FIGN: variants seen among roughly 807,000 people sequenced by gnomAD.
FIGN encodes the protein fidgetin, microtubule severing factor, also known as fidgetin.
In FIGN, 11 loss-of-function variants were observed where a neutral mutation model predicts 51.3. The observed-to-expected ratio is 0.21, with a 90% CI of 0.13 to 0.35. The LOEUF (loss-of-function observed/expected upper bound fraction) is 0.35, where lower values mean the gene tolerates loss of function less well. FIGN is among the 10% of genes least tolerant of loss of function. The pLI is 1.00. For missense variants in FIGN, 857 were observed against 943.6 expected (o/e 0.91, Z 1.20); for synonymous variants, 407 against 363.2 (o/e 1.12, Z -1.37).
chr2:163,628,116 C>A (rs978962578), intron 2 of FIGN, among the ~76,000 whole-genome samples: 14 of 152,100 alleles, frequency 9.2e-5, no homozygotes, highest in African/African-American at 3.4e-4. Context: ...AATCCAAATG[C>A]CTACTATTAT....
chr2:163,636,846 C>CA (rs1207422887), intron 2 of FIGN, among the ~76,000 whole-genome samples: 2 of 151,836 alleles, frequency 1.3e-5, no homozygotes, highest in East Asian at 3.9e-4. Flanking sequence ...ATAAAACACT[C>CA]TTAATTATAA....
At chr2:163,654,259 A>AT (rs1484042728) in intron 2 of FIGN, among the ~76,000 whole-genome samples, 1 of 152,128 alleles carries the variant, frequency 6.6e-6, no homozygotes, top group Non-Finnish European at 1.5e-5. Flanking sequence ...ATACTATATA[A>AT]TTTTATTTGT....
intron 2 of FIGN, among the ~76,000 whole-genome samples, chr2:163,707,354 C>CA (rs10532413): frequency 3.3e-5 from 5 of 149,628 alleles, no homozygotes; most frequent in East Asian, 2.0e-4. Flanking sequence ...GACTCTGTCT[C>CA]AAAAAAAAAA....
chr2:163,660,509 A>G (rs1465458769), intron 2 of FIGN, among the ~76,000 whole-genome samples: 3 of 151,714 alleles, frequency 2.0e-5, no homozygotes, highest in Non-Finnish European at 2.9e-5. Context: ...AAAATATTCT[A>G]TCTTTTACAA....
chr2:163,717,711 T>C (rs978817436), intron 2 of FIGN, among the ~76,000 whole-genome samples: 4 of 152,168 alleles, frequency 2.6e-5, no homozygotes, highest in Non-Finnish European at 4.4e-5. Context: ...CTGGATTGCA[T>C]TGTGGATTAA....
chr2:163,648,178 C>T (rs1683412931), intron 2 of FIGN, among the ~76,000 whole-genome samples: 1 of 152,050 alleles, frequency 6.6e-6, no homozygotes, highest in African/African-American at 2.4e-5. Flanking sequence ...CCCACCCTTC[C>T]ACAAACCACA....
At chr2:163,711,926 C>T (rs1166231002) in intron 2 of FIGN, among the ~76,000 whole-genome samples, 1 of 152,080 alleles carries the variant, frequency 6.6e-6, no homozygotes, top group African/African-American at 2.4e-5. Flanking sequence ...GATATCTCCC[C>T]CTGCCCCTCC....
At chr2:163,735,666 A>G (rs1685003461) in intron 1 of FIGN, among the ~76,000 whole-genome samples, 172 bp downstream of exon 1, 1 of 152,234 alleles carries the variant, frequency 6.6e-6, no homozygotes, top group Non-Finnish European at 1.5e-5. Context: ...TGAACAGAGA[A>G]ATTAGACAGC....
intron 2 of FIGN, among the ~76,000 whole-genome samples, chr2:163,640,880 CTAAA>C (rs1376254391): frequency 1.3e-5 from 2 of 152,168 alleles, no homozygotes; most frequent in South Asian, 4.1e-4. Flanking sequence ...CTCAAGTCTC[CTAAA>C]TAGTGATAAA....
intron 2 of FIGN, among the ~76,000 whole-genome samples, chr2:163,729,178 G>C (rs915390101): frequency 1.3e-5 from 2 of 151,744 alleles, no homozygotes; most frequent in African/African-American, 2.4e-5. Context: ...CAGTTGAATT[G>C]GGAAAAACAA....
intron 2 of FIGN, among the ~76,000 whole-genome samples, chr2:163,704,656 T>TCACACA (rs369275881): frequency 2.9e-4 from 37 of 129,790 alleles, no homozygotes; most frequent in African/African-American, 1.1e-3. Context: ...TCTCTCTCTC[T>TCACACA]CACACACACA....
intron 2 of FIGN, among the ~76,000 whole-genome samples, chr2:163,722,781 CATT>C (rs1684778315): frequency 6.6e-6 from 1 of 151,680 alleles, no homozygotes. Flanking sequence ...TTGGTAATAA[CATT>C]ATATAAAGAA....
At chr2:163,707,606 T>C (rs1156490615) in intron 2 of FIGN, among the ~76,000 whole-genome samples, 4 of 152,024 alleles carry the variant, frequency 2.6e-5, no homozygotes, top group Admixed American at 1.3e-4. Context: ...ATATCAACAG[T>C]ATTTAATCAT....
At chr2:163,670,000 A>G (rs1683849748) in intron 2 of FIGN, among the ~76,000 whole-genome samples, 1 of 152,216 alleles carries the variant, frequency 6.6e-6, no homozygotes, top group Non-Finnish European at 1.5e-5. Context: ...TTTTACATCA[A>G]TGAAGTATCT....
intron 2 of FIGN, among the ~76,000 whole-genome samples, chr2:163,642,862 C>T (rs1204552590): frequency 6.6e-6 from 1 of 151,954 alleles, no homozygotes; most frequent in Non-Finnish European, 1.5e-5. Context: ...CTGAAAACTA[C>T]AAAATGTTAT....
At chr2:163,686,283 C>A (rs995549485) in intron 2 of FIGN, among the ~76,000 whole-genome samples, 1 of 152,102 alleles carries the variant, frequency 6.6e-6, no homozygotes, top group African/African-American at 2.4e-5. Context: ...ACAGTTTTAT[C>A]CTAGACAAAG....
intron 2 of FIGN, among the ~76,000 whole-genome samples, chr2:163,621,502 G>T (rs546895810): frequency 6.6e-6 from 1 of 152,132 alleles, no homozygotes; most frequent in Admixed American, 6.6e-5. Context: ...TAGGTTACGT[G>T]TTGTTTTTTT....
chr2:163,686,439 A>G (rs943978235), intron 2 of FIGN, among the ~76,000 whole-genome samples: 7 of 152,152 alleles, frequency 4.6e-5, no homozygotes, highest in African/African-American at 1.2e-4. Flanking sequence ...TTCAAGTACA[A>G]TCTTCTAAAA....
intron 2 of FIGN, among the ~76,000 whole-genome samples, chr2:163,719,901 A>G (rs1395040349): frequency 1.3e-5 from 2 of 152,110 alleles, no homozygotes; most frequent in African/African-American, 4.8e-5. Context: ...TAGCCTCTAT[A>G]TGTTTTTAAG....
Sources: allele counts gnomAD v4.1 joint callset (sites outside exome capture counted in the v4.1 genomes callset), GRCh38; gene constraint gnomAD v4.1.1; transcripts MANE v1.5; gene names NCBI Gene and HGNC (gene_info 2026-07-23, HGNC 2026-07-21).